The following NUP43 variants were observed in gnomAD, a reference collection of about 807,000 sequenced individuals.
The protein encoded by NUP43 is nucleoporin Nup43.
In NUP43, 32 loss-of-function variants were observed where a neutral mutation model predicts 47.3. That is an observed-to-expected ratio of 0.68 (90% CI 0.51 to 0.91). NUP43 has a LOEUF of 0.91. Ranked by LOEUF, NUP43 falls within the 40% of genes least tolerant of loss-of-function variation. The pLI, the probability that NUP43 is intolerant of heterozygous loss-of-function variation, is 0.00. For synonymous variants in NUP43, 147 were observed against 158.4 expected, an observed-to-expected ratio of 0.93 and a Z score of 0.54; for missense variants, 444 against 453.9, an observed-to-expected ratio of 0.98 and a Z score of 0.20.
At chr6:149,738,103 G>A (rs1315894042) in intron 5 of NUP43, among the ~76,000 whole-genome samples, 2 of 152,150 alleles carry the variant, frequency 1.3e-5, no homozygotes, top group Non-Finnish European at 2.9e-5. Flanking sequence ...TCAATTTGGA[G>A]ACATGGAATG....
rs1359713102 is a variant in NUP43 at position 149,727,068 on chromosome 6, A to G, written c.1044T>C (p.Ser348=). The part of the protein sequence containing the change: ...DRIEITSLLP[S]RSLSVNTLDV... The stretch of plus-strand genomic sequence containing the variant: ...CCAAAGTGTTCACAGACAGAGACCT[A>G]CTGGGAAGTAAGCTTGTGATTTCAA... The change falls in exon 8 of 8, where the codon AGT becomes AGC. Residue 348 remains serine, a synonymous_variant. Transcript: ENST00000340413. The G allele has an allele frequency of 1.2e-6, 2 of 1,614,080 alleles. No individual in the cohort carries two copies. The highest frequency in any genetic ancestry group is 1.7e-6 in the Non-Finnish European group (2 of 1,180,014).
At chr6:149,730,021 T>C (rs1344916719) in intron 7 of NUP43, among the ~76,000 whole-genome samples, 1 of 151,972 alleles carries the variant, frequency 6.6e-6, no homozygotes. Flanking sequence ...CTTTTTTTTT[T>C]TTTTTGAGAC....
intron 4 of NUP43, 27 bp downstream of exon 4, chr6:149,742,363 T>C (rs2115145860): frequency 1.2e-6 from 2 of 1,608,472 alleles, no homozygotes; most frequent in Non-Finnish European, 1.7e-6. Flanking sequence ...GGTTTCGCCA[T>C]GTTGGCCAGG....
chr6:149,746,596 C>A (rs78647624), upstream of NUP43: 2 of 1,609,848 alleles, frequency 1.2e-6, no homozygotes, highest in Admixed American at 3.3e-5. Flanking sequence ...GACTTTAGGA[C>A]GGAGACGGTG....
rs141849604 is a variant in NUP43 at position 149,728,884 on chromosome 6, T to C, written c.914-1686A>G. On this transcript the variant is annotated intron_variant, in intron 7 of 7. Transcript: ENST00000340413. Reference sequence around the variant, plus strand: ...GTTCCTTCTGCCAAGTGGCCTCTTCTGACTCTCACTAGAGTAGCTCCCCTC... The same window carrying C: ...GTTCCTTCTGCCAAGTGGCCTCTTCCGACTCTCACTAGAGTAGCTCCCCTC... Among the ~76,000 whole-genome samples the C allele has an allele frequency of 3.3e-3, 504 of 152,340 alleles. 2 individuals carry two copies. Among genetic ancestry groups the C allele is most frequent in the Middle Eastern group, 0.01 (3 of 294 alleles).
At chr6:149,746,774 A>G (rs1311600127), upstream of NUP43, 2 of 1,179,752 alleles carry the variant, frequency 1.7e-6, no homozygotes, top group South Asian at 1.5e-5. Context: ...CTTGTGTTCA[A>G]TAATTGTGCA....
Position 149,738,754 on chromosome 6 carries a change from T to C in NUP43, c.527A>G (p.His176Arg). The change falls in exon 5 of 8, where the codon CAT (histidine) becomes CGT (arginine). Residue 176 changes from histidine to arginine, a missense_variant. Transcript: ENST00000340413. ...AGGAGTTCGAAGAAAGGTTACAGCA[T>C]GGAGTGTACTACTATCTGCATTGTC... ...TIDNADSSTL[H>R]AVTFLRTPEI... The C allele has an allele frequency of 1.9e-6, 3 of 1,584,390 alleles. No homozygotes were observed. Among genetic ancestry groups the C allele is most frequent in the Non-Finnish European group, 2.6e-6 (3 of 1,167,078 alleles).
chr6:149,748,585 G>A (rs1220642102), upstream of NUP43, among the ~76,000 whole-genome samples: 2 of 151,942 alleles, frequency 1.3e-5, no homozygotes, highest in Non-Finnish European at 2.9e-5. Context: ...CGAGGCGGGC[G>A]GATCATAAGG....
rs376369517 is a variant in NUP43 at position 149,746,091 on chromosome 6, T to A, written c.121-29A>T. ...TAAAACAGAAAGTTTTGTCTTGAGATGACATAAACGTCAACTCTCGGAAAA... is the reference window on the plus strand; with the variant it reads ...TAAAACAGAAAGTTTTGTCTTGAGAAGACATAAACGTCAACTCTCGGAAAA... On this transcript the variant is annotated intron_variant, in intron 1 of 7. Coordinates refer to ENST00000340413, the MANE Select transcript of NUP43 (RefSeq NM_198887.3). 15 of 1,604,878 alleles carry A rather than the reference T, an allele frequency of 9.3e-6. No individual in the cohort carries two copies. In the Admixed American group the frequency reaches 1.6e-4, roughly 17 times the overall value.
At chr6:149,738,804 GT>G in intron 4 of NUP43, 26 bp from the exon 5 acceptor site, 1 of 1,378,800 alleles carries the variant, frequency 7.3e-7, no homozygotes, top group Non-Finnish European at 9.5e-7. Flanking sequence ...ATGGTAGTAT[GT>G]GTTAATGAGT....
At chr6:149,737,177 G>A (rs9689340) in intron 5 of NUP43, among the ~76,000 whole-genome samples, 66,008 of 151,680 alleles carry the variant, frequency 0.44, 15,351 homozygotes, top group East Asian at 0.81. Flanking sequence ...CCAGCTACTT[G>A]GGAGGCTGAG....
At chr6:149,743,469 C>A (rs1479942774) in intron 3 of NUP43, among the ~76,000 whole-genome samples, 169 bp downstream of exon 3, 3 of 152,124 alleles carry the variant, frequency 2.0e-5, no homozygotes, top group East Asian at 1.9e-4. Context: ...GTGGCACGTG[C>A]CTGTAATCCC....
At chr6:149,731,799 C>A in intron 6 of NUP43, 64 bp from the exon 7 acceptor site, 1 of 1,560,512 alleles carries the variant, frequency 6.4e-7, no homozygotes, top group East Asian at 2.3e-5. Context: ...ACATTAAACC[C>A]CCATCTCTAG....
Position 149,728,211 on chromosome 6 carries a change from T to G in NUP43, c.914-1013A>C, listed in dbSNP as rs1030621118. On this transcript the variant is annotated intron_variant, in intron 7 of 7. Transcript: ENST00000340413. ...GACTAAATATGTCTTAAGAGCAGGA[T>G]GCATATTTTATATGTTTTACTTTTT... is the stretch of plus-strand genomic sequence containing the variant. The G allele has an allele frequency of 8.1e-6, 8 of 983,440 alleles. No homozygotes were observed. The Admixed American group carries it at 3.1e-4, about 38-fold the overall frequency. 60.9% of individuals were successfully genotyped at this position (983,440 alleles called of 1,614,324 possible).
upstream of NUP43, chr6:149,746,809 G>C (rs1786037599): frequency 1.2e-6 from 1 of 849,702 alleles, no homozygotes; most frequent in African/African-American, 1.7e-5. Flanking sequence ...TGCAAAAACA[G>C]AACAAAAACA....
intron 6 of NUP43, among the ~76,000 whole-genome samples, chr6:149,733,201 A>C (rs1562376456): frequency 6.6e-6 from 1 of 152,304 alleles, no homozygotes; most frequent in East Asian, 1.9e-4. Flanking sequence ...GGCAATATCC[A>C]ATATTGGTTA....
upstream of NUP43, among the ~76,000 whole-genome samples, chr6:149,746,839 G>A (rs1486549381): frequency 6.6e-6 from 1 of 152,084 alleles, no homozygotes; most frequent in African/African-American, 2.4e-5. Context: ...AAACCACCTT[G>A]AAACCACACC....
rs143503214 is a variant in NUP43, at chr6:149,746,405, T to A, written c.91A>T (p.Thr31Ser). 2.6e-4 allele frequency: 427 copies of A among 1,614,204 alleles called. No homozygotes were observed. The highest frequency in any genetic ancestry group is 1.5e-3 in the Middle Eastern group (9 of 6,062). The change falls in exon 1 of 8, where the codon ACG (threonine) becomes TCG (serine). Residue 31 changes from threonine (T) to serine (S), a missense_variant. Transcript: ENST00000340413. Reference protein sequence around the residue: ...LPPGSLQTAETFATGSWDNEE... With the variant: ...LPPGSLQTAESFATGSWDNEE... ...TTGTCCCAAGATCCTGTAGCGAACG[T>A]CTCCGCGGTCTGTAAACTTCCCGGA...
intron 3 of NUP43, 97 bp from the exon 4 acceptor site, chr6:149,742,667 C>T (rs1785730707): frequency 1.2e-6 from 1 of 843,060 alleles, no homozygotes; most frequent in Non-Finnish European, 1.8e-6. Flanking sequence ...TCACACCCTT[C>T]TACAAGAATA....
Sources: allele counts gnomAD v4.1 joint callset (sites outside exome capture counted in the v4.1 genomes callset), GRCh38; gene constraint gnomAD v4.1.1; transcripts MANE v1.5; gene names NCBI Gene and HGNC (gene_info 2026-07-23, HGNC 2026-07-21).